MS4A18: variants seen among roughly 807,000 people sequenced by gnomAD.
MS4A18 encodes membrane spanning 4-domains A18.
In MS4A18, 27 loss-of-function variants were observed where a neutral mutation model predicts 13.1. The observed-to-expected ratio is 2.06, with a 90% CI of 1.52 to 2.84. MS4A18 has a LOEUF of 2.84. MS4A18 is among the 30% of genes most tolerant of loss of function. MS4A18 has a pLI of 0.00. For missense variants in MS4A18, 307 were observed against 196.4 expected (o/e 1.56, Z -3.37); for synonymous variants, 126 against 76.5 (o/e 1.65, Z -3.38).
chr11:60,737,955 T>G (rs1202496259), intron 3 of MS4A18, among the ~76,000 whole-genome samples: 5 of 152,198 alleles, frequency 3.3e-5, no homozygotes, highest in Non-Finnish European at 7.3e-5. Context: ...TCACACCACC[T>G]GTTCATATCC....
intron 4 of MS4A18, among the ~76,000 whole-genome samples, chr11:60,740,537 G>T (rs1376008277): frequency 2.0e-5 from 3 of 152,320 alleles, no homozygotes; most frequent in African/African-American, 7.2e-5. Flanking sequence ...CCTGGCCCCA[G>T]GCAAGTAGCC....
chr11:60,733,797 T>C (rs1853293617), intron 2 of MS4A18, 150 bp downstream of exon 3: 3 of 643,892 alleles, frequency 4.7e-6, no homozygotes, highest in South Asian at 1.8e-5. Flanking sequence ...CAAAGGGTTA[T>C]ATCAACTCCC....
Position 60,738,898 on chromosome 11 carries a change from G to A in MS4A18, c.649-4G>A. 1 of 703,122 alleles carries A rather than the reference G, an allele frequency of 1.4e-6. No individual in the cohort carries two copies. The highest frequency in any genetic ancestry group is 2.6e-6 in the Non-Finnish European group (1 of 385,002). The allele number at this position is 703,122 out of a possible 1,614,324, so 43.6% of individuals were successfully genotyped here. A position where few individuals can be genotyped will look rare whatever the true frequency, so the allele number is the denominator to read the frequency against. ...CCCTCTCTCCTCTCCCTCCTCTCCTGCAGGTGAACAGCAGCATCAGCTTCA... is the reference window on the plus strand; with the variant it reads ...CCCTCTCTCCTCTCCCTCCTCTCCTACAGGTGAACAGCAGCATCAGCTTCA... On this transcript the variant is annotated splice_region_variant and splice_polypyrimidine_tract_variant and intron_variant, in intron 3 of 5. Coordinates refer to ENST00000529108, the Ensembl canonical transcript of MS4A18.
At chr11:60,739,337 C>T (rs1021057119) in intron 4 of MS4A18, among the ~76,000 whole-genome samples, 7 of 152,038 alleles carry the variant, frequency 4.6e-5, no homozygotes, top group African/African-American at 1.2e-4. Flanking sequence ...AGGGGTCTCT[C>T]GAGGGATAGC....
intron 1 of MS4A18, among the ~76,000 whole-genome samples, chr11:60,731,632 C>A (rs1257390584): frequency 6.6e-6 from 1 of 152,148 alleles, no homozygotes; most frequent in African/African-American, 2.4e-5. Context: ...TAGTAGTATT[C>A]CCATTTACAA....
chr11:60,732,730 CAA>C (rs200295786), intron 1 of MS4A18, among the ~76,000 whole-genome samples: 3,340 of 70,788 alleles, frequency 0.047, 100 homozygotes, highest in African/African-American at 0.14. Flanking sequence ...GACTCCGTCT[CAA>C]AAAAAAAAAA....
At chr11:60,734,889 C>A (rs981763495) in intron 2 of MS4A18, among the ~76,000 whole-genome samples, 1 of 151,062 alleles carries the variant, frequency 6.6e-6, no homozygotes, top group Non-Finnish European at 1.5e-5. Flanking sequence ...TCAAGAAATT[C>A]TCCTGTGTCG....
intron 2 of MS4A18, among the ~76,000 whole-genome samples, chr11:60,735,104 T>G (rs1429039948): frequency 1.3e-5 from 2 of 152,126 alleles, no homozygotes; most frequent in Non-Finnish European, 2.9e-5. Context: ...ATTTTCTTGG[T>G]GCTAGTAAAC....
intron 5 of MS4A18, among the ~76,000 whole-genome samples, chr11:60,742,545 A>G (rs1219503055): frequency 6.6e-6 from 1 of 152,228 alleles, no homozygotes; most frequent in Non-Finnish European, 1.5e-5. Context: ...CAATACCTTT[A>G]GATTCTTAGA....
intron 2 of MS4A18, among the ~76,000 whole-genome samples, chr11:60,736,519 C>T (rs1223001239): frequency 4.6e-5 from 7 of 152,120 alleles, no homozygotes; most frequent in African/African-American, 7.2e-5. Context: ...CAGATGAGGC[C>T]ACAGCCCAGG....
intron 5 of MS4A18, among the ~76,000 whole-genome samples, chr11:60,743,127 T>C (rs1159606366): frequency 1.3e-5 from 2 of 152,214 alleles, no homozygotes; most frequent in African/African-American, 4.8e-5. Flanking sequence ...ATTGTTATCT[T>C]ACTTCTAGCT....
upstream of MS4A18, among the ~76,000 whole-genome samples, chr11:60,727,864 CA>C (rs1405710208): frequency 6.6e-6 from 1 of 152,154 alleles, no homozygotes; most frequent in East Asian, 1.9e-4. Context: ...TCCCCAGCAT[CA>C]AAAAATTAAG....
chr11:60,744,354 C>T (rs78400406), downstream of MS4A18: 30,949 of 266,480 alleles, frequency 0.12, 2,093 homozygotes, highest in East Asian at 0.2. Context: ...CTTCCCAGTC[C>T]GCAGCTCTAA....
At chr11:60,729,813 AT>A in intron 1 of MS4A18, 27 bp downstream of exon 2, 1 of 673,236 alleles carries the variant, frequency 1.5e-6, no homozygotes, top group South Asian at 1.6e-5. Context: ...CTTCTCTCCG[AT>A]TTGGGTCACT....
At chr11:60,726,494 G>A (rs878943264), upstream of MS4A18, among the ~76,000 whole-genome samples, 3 of 152,206 alleles carry the variant, frequency 2.0e-5, no homozygotes, top group Admixed American at 2.0e-4. Flanking sequence ...TGGAGGGTGT[G>A]TTGAAACACA....
intron 5 of MS4A18, among the ~76,000 whole-genome samples, chr11:60,742,053 T>A (rs1334340322): frequency 6.6e-6 from 1 of 152,200 alleles, no homozygotes; most frequent in Non-Finnish European, 1.5e-5. Context: ...AATTCTGAAA[T>A]CCTATGAGGC....
chr11:60,741,788 C>T (rs991516952), intron 5 of MS4A18, among the ~76,000 whole-genome samples: 8 of 152,178 alleles, frequency 5.3e-5, no homozygotes, highest in African/African-American at 1.7e-4. Flanking sequence ...ATGCTCAACC[C>T]ATATTTTGGA....
chr11:60,743,278 G>A (rs1371754064), intron 5 of MS4A18, among the ~76,000 whole-genome samples: 2 of 152,276 alleles, frequency 1.3e-5, no homozygotes, highest in Admixed American at 6.5e-5. Context: ...CTTGCCATGA[G>A]TCTGCAGTCA....
At chr11:60,734,758 A>G (rs1407143448) in intron 2 of MS4A18, among the ~76,000 whole-genome samples, 1 of 151,694 alleles carries the variant, frequency 6.6e-6, no homozygotes, top group African/African-American at 2.4e-5. Context: ...TTGCACAACA[A>G]TATGAATTTT....
Sources: allele counts gnomAD v4.1 joint callset (sites outside exome capture counted in the v4.1 genomes callset), GRCh38; gene constraint gnomAD v4.1.1; transcripts MANE v1.5; gene names NCBI Gene and HGNC (gene_info 2026-07-23, HGNC 2026-07-21).